The following SNX29 variants were observed in gnomAD, a reference collection of about 807,000 sequenced individuals.
The protein encoded by SNX29 is sorting nexin-29.
A neutral mutation model predicts 102.1 loss-of-function variants in SNX29; 78 were observed. The ratio of observed to expected loss-of-function variants is 0.76; its 90% CI spans 0.64 to 0.92. The LOEUF (loss-of-function observed/expected upper bound fraction) is 0.92, where lower values mean the gene tolerates loss of function less well. Among genes scored for constraint, SNX29 ranks in the 40% least tolerant of loss-of-function variants. The pLI is 0.00. For missense variants in SNX29, 1,280 were observed against 1,061.7 expected (o/e 1.21, Z -2.86); for synonymous variants, 580 against 414.5 (o/e 1.40, Z -4.85).
chr16:12,114,825 C>A (rs2053631721), intron 11 of SNX29, among the ~76,000 whole-genome samples: 4 of 152,076 alleles, frequency 2.6e-5, no homozygotes, highest in African/African-American at 9.6e-5. Context: ...ATCATAATTC[C>A]TTTGTAATTT....
At chr16:12,516,294 A>G (rs2089860601) in intron 19 of SNX29, among the ~76,000 whole-genome samples, 1 of 152,122 alleles carries the variant, frequency 6.6e-6, no homozygotes, top group South Asian at 2.1e-4. Context: ...TGCCTGGGCA[A>G]CATAGTGAGA....
intron 14 of SNX29, among the ~76,000 whole-genome samples, chr16:12,272,207 A>C (rs2079110562): frequency 6.6e-6 from 1 of 152,152 alleles, no homozygotes; most frequent in African/African-American, 2.4e-5. Flanking sequence ...GATTCTTCTT[A>C]AATATAGTCC....
At chr16:12,299,123 G>C (rs1567412157) in intron 15 of SNX29, among the ~76,000 whole-genome samples, 1 of 151,890 alleles carries the variant, frequency 6.6e-6, no homozygotes, top group East Asian at 1.9e-4. Context: ...AACATGGCGA[G>C]ACCCTATCTC....
chr16:12,544,445 C>G (rs908784194), intron 20 of SNX29, among the ~76,000 whole-genome samples: 6 of 152,182 alleles, frequency 3.9e-5, no homozygotes, highest in Non-Finnish European at 5.9e-5. Context: ...TTCTCTTTCT[C>G]TACCCTATCT....
In SNX29 at chr16:12,571,623, T is replaced by A. The variant is rs932582027; in HGVS notation, c.*2994T>A. On this transcript the variant is annotated 3_prime_UTR_variant, in exon 21 of 21. Coordinates refer to ENST00000566228, the MANE Select transcript of SNX29 (RefSeq NM_032167.5). ...AACAGCAGGTTCCATCTTTCACATC[T>A]TTTTTTCTCCCCCAGATGAAAGACG... is the stretch of plus-strand genomic sequence containing the variant. 3.1e-5 allele frequency: 33 copies of A among 1,056,250 alleles called. 1 individual carries two copies. Among genetic ancestry groups the A allele is most frequent in the Admixed American group, 5.4e-5 (1 of 18,406 alleles). The allele number at this position is 1,056,250 out of a possible 1,614,324, so 65.4% of individuals were successfully genotyped here. A position where few individuals can be genotyped will look rare whatever the true frequency, so the allele number is the denominator to read the frequency against.
In SNX29 at chr16:12,096,090, G is replaced by T. The variant is rs915237892; in HGVS notation, c.1402+17175G>T. Among the ~76,000 whole-genome samples, 1 of 152,252 alleles carries T rather than the reference G, an allele frequency of 6.6e-6. No homozygotes were observed. Among genetic ancestry groups the T allele is most frequent in the Non-Finnish European group, 1.5e-5 (1 of 68,056 alleles). On this transcript the variant is annotated intron_variant, in intron 11 of 20. Transcript: ENST00000566228. This position sits in a 1 kb window ranked among gnomAD's most constrained non-coding sequence, Gnocchi z 4.2. ...AATTTTAGGATGAGATGGTGGGGCA[G>T]TGGCCGTTAAATCGGCTGCAGTCTG...
chr16:12,256,363 T>C (rs760908594), intron 14 of SNX29, among the ~76,000 whole-genome samples: 3 of 152,214 alleles, frequency 2.0e-5, no homozygotes, highest in Non-Finnish European at 2.9e-5. Flanking sequence ...TTTTGTTTTT[T>C]GGAGGTGGAG....
At chr16:12,514,361 C>G (rs536824063) in intron 19 of SNX29, among the ~76,000 whole-genome samples, 2 of 152,146 alleles carry the variant, frequency 1.3e-5, no homozygotes, top group Non-Finnish European at 2.9e-5. Context: ...TGTGGTCCCC[C>G]TAAGCTACTG....
intron 5 of SNX29, among the ~76,000 whole-genome samples, chr16:12,045,081 T>C (rs35106911): frequency 0.36 from 54,350 of 152,072 alleles, 10,428 homozygotes; most frequent in Middle Eastern, 0.44. Flanking sequence ...TTCATTTAGA[T>C]GCACGAAAAC....
intron 19 of SNX29, among the ~76,000 whole-genome samples, chr16:12,514,646 C>A (rs1333023723): frequency 6.6e-6 from 1 of 152,168 alleles, no homozygotes; most frequent in Non-Finnish European, 1.5e-5. Context: ...GGGCAAATCA[C>A]TTGAGGCCAG....
At chr16:12,393,175 CT>C (rs1463037647) in intron 16 of SNX29, among the ~76,000 whole-genome samples, 1 of 152,126 alleles carries the variant, frequency 6.6e-6, no homozygotes, top group East Asian at 1.9e-4. Flanking sequence ...GGTTTGCTGC[CT>C]CCATAGGATC....
chr16:12,388,739 A>G (rs997595211), intron 16 of SNX29, among the ~76,000 whole-genome samples: 2 of 152,192 alleles, frequency 1.3e-5, no homozygotes, highest in Non-Finnish European at 2.9e-5. Flanking sequence ...CTGACCCCTG[A>G]TGTAGAGTAT....
chr16:12,563,559 A>AC (rs1396767306), intron 20 of SNX29, among the ~76,000 whole-genome samples: 2 of 152,022 alleles, frequency 1.3e-5, no homozygotes, highest in East Asian at 1.9e-4. Flanking sequence ...TGAGGGGTCT[A>AC]CCCCACCCCT....
intron 20 of SNX29, among the ~76,000 whole-genome samples, chr16:12,537,904 G>C (rs1453984821): frequency 1.3e-5 from 2 of 151,340 alleles, no homozygotes; most frequent in Non-Finnish European, 2.9e-5. Flanking sequence ...AGAGTCACTG[G>C]AACCCAGGAG....
At position 12,570,233 on chromosome 16, in the gene SNX29, G is replaced by C. The variant is rs11646611; in HGVS notation, c.*1604G>C. On this transcript the variant is annotated 3_prime_UTR_variant, in exon 21 of 21. Transcript: ENST00000566228. ...CCTGGGGCCAGATAAGCCCTGCCCCGGTGAGACCAAATGAGCTGGAGCATG... is the reference window on the plus strand; with the variant it reads ...CCTGGGGCCAGATAAGCCCTGCCCCCGTGAGACCAAATGAGCTGGAGCATG... 8.5e-6 allele frequency: 9 copies of C among 1,064,870 alleles called. No homozygotes were observed. Among genetic ancestry groups the C allele is most frequent in the South Asian group, 4.6e-5 (1 of 21,958 alleles). 66.0% of individuals were successfully genotyped at this position (1,064,870 alleles called of 1,614,324 possible). A position where few individuals can be genotyped will look rare whatever the true frequency, so the allele number is the denominator to read the frequency against.
At position 12,036,557 on chromosome 16, in the gene SNX29, A is replaced by T. The variant is rs547157678; in HGVS notation, c.248-6340A>T. On this transcript the variant is annotated intron_variant, in intron 4 of 20. Coordinates refer to ENST00000566228, the MANE Select transcript of SNX29 (RefSeq NM_032167.5). The stretch of plus-strand genomic sequence containing the variant: ...CACCGTGTTAGCCAGGATGGTCTCG[A>T]TCTCCTGACCTCGTGATCCACCTGC... Among the ~76,000 whole-genome samples the T allele has an allele frequency of 2.6e-5, 4 of 151,968 alleles. No homozygotes were observed. In the East Asian group the frequency reaches 7.8e-4, roughly 29 times the overall value.
intron 20 of SNX29, among the ~76,000 whole-genome samples, chr16:12,527,555 G>A (rs776860836): frequency 6.6e-6 from 1 of 152,138 alleles, no homozygotes; most frequent in Non-Finnish European, 1.5e-5. Flanking sequence ...TGTCAGCTTT[G>A]TGTTTCACAG....
At chr16:12,532,774 C>A (rs74009123) in intron 20 of SNX29, among the ~76,000 whole-genome samples, 2 of 152,090 alleles carry the variant, frequency 1.3e-5, no homozygotes, top group East Asian at 3.9e-4. Flanking sequence ...AGCCTGGAGT[C>A]CATGGGGCAG....
rs374968291 is a variant in SNX29, at chr16:12,010,898, G to C, written c.122+7855G>C. On this transcript the variant is annotated intron_variant, in intron 3 of 20. Coordinates refer to ENST00000566228, the MANE Select transcript of SNX29 (RefSeq NM_032167.5). ...CACGTGTATCCCCCAGAGGACTTAC[G>C]AAACGGAATGGCTTTTTCAGGCTTT... Among the ~76,000 whole-genome samples the C allele has an allele frequency of 3.9e-5, 6 of 152,204 alleles. No homozygotes were observed. The South Asian group carries it at 1.0e-3, about 26-fold the overall frequency.
Sources: allele counts gnomAD v4.1 joint callset (sites outside exome capture counted in the v4.1 genomes callset), GRCh38; gene constraint gnomAD v4.1.1; non-coding constraint Gnocchi (gnomAD v3.1); transcripts MANE v1.5; gene names NCBI Gene and HGNC (gene_info 2026-07-23, HGNC 2026-07-21).